Variants in KIF26B observed in about 807,000 individuals in gnomAD.
The protein encoded by KIF26B is kinesin family member 26B.
A neutral mutation model predicts 151.2 loss-of-function variants in KIF26B; 63 were observed. The observed-to-expected ratio is 0.42, with a 90% CI of 0.34 to 0.51. KIF26B has a LOEUF of 0.51. Ranked by LOEUF, KIF26B falls within the 20% of genes least tolerant of loss-of-function variation. The pLI, the probability that KIF26B is intolerant of heterozygous loss-of-function variation, is 0.07. For synonymous variants in KIF26B, 1,357 were observed against 1,262.1 expected (o/e 1.08, Z -1.59); for missense variants, 2,813 against 2,913.6 (o/e 0.97, Z 0.79).
intron 3 of KIF26B, among the ~76,000 whole-genome samples, chr1:245,391,776 T>G (rs1296348207): frequency 1.3e-5 from 2 of 152,202 alleles, no homozygotes; most frequent in East Asian, 3.9e-4. Context: ...CAACATGTGA[T>G]GGGTTTATTA....
chr1:245,491,940 G>A (rs1202522083), intron 4 of KIF26B, among the ~76,000 whole-genome samples: 1 of 151,986 alleles, frequency 6.6e-6, no homozygotes, highest in Non-Finnish European at 1.5e-5. Flanking sequence ...ACTGAATTCC[G>A]GGTCAGATCT....
intron 2 of KIF26B, among the ~76,000 whole-genome samples, chr1:245,284,590 G>A (rs909116728): frequency 6.6e-6 from 1 of 152,152 alleles, no homozygotes; most frequent in Non-Finnish European, 1.5e-5. Flanking sequence ...TGAGTGTGTT[G>A]ACCTTTGGGG....
chr1:245,231,806 A>C (rs760356337), intron 2 of KIF26B, among the ~76,000 whole-genome samples: 4 of 152,264 alleles, frequency 2.6e-5, no homozygotes, highest in Non-Finnish European at 5.9e-5. Flanking sequence ...GCTACGTGCA[A>C]AGCAAGACAA....
At chr1:245,300,287 TAGAC>T (rs1180637111) in intron 2 of KIF26B, among the ~76,000 whole-genome samples, 1 of 152,144 alleles carries the variant, frequency 6.6e-6, no homozygotes, top group Admixed American at 6.5e-5. Context: ...TTTATATAAA[TAGAC>T]AGCCAGGCAG....
intron 3 of KIF26B, among the ~76,000 whole-genome samples, chr1:245,394,492 ACAGGCCTGTAGTCT>A (rs1359397086): frequency 6.6e-6 from 1 of 152,030 alleles, no homozygotes; most frequent in East Asian, 1.9e-4. Flanking sequence ...GCGTGGTGGC[ACAGGCCTGTAGTCT>A]CAGTTACTTG....
intron 2 of KIF26B, among the ~76,000 whole-genome samples, chr1:245,292,994 A>G (rs1001030563): frequency 1.3e-5 from 2 of 152,176 alleles, no homozygotes; most frequent in African/African-American, 4.8e-5. Flanking sequence ...CATGTTCAAT[A>G]TTAGGTTACT....
In KIF26B at chr1:245,169,362, T is replaced by TGTGTGC. The variant is rs879260509; in HGVS notation, c.465+12680_465+12681insTGTGCG. ...GTGTGTGTGTGTGTGTGTGTGTGTG[T>TGTGTGC]GCGCGCAAGCACTTTGTGGAGGCCC... On this transcript the variant is annotated intron_variant, in intron 2 of 14. Coordinates refer to ENST00000407071, the MANE Select transcript of KIF26B (RefSeq NM_018012.4). Among the ~76,000 whole-genome samples the TGTGTGC allele has an allele frequency of 5.9e-3, 894 of 151,018 alleles. 7 individuals are homozygous for TGTGTGC. Among genetic ancestry groups the TGTGTGC allele is most frequent in the African/African-American group, 0.02 (830 of 40,616 alleles).
intron 4 of KIF26B, among the ~76,000 whole-genome samples, chr1:245,530,817 A>G (rs1661342389): frequency 6.6e-6 from 1 of 152,240 alleles, no homozygotes; most frequent in South Asian, 2.1e-4. Flanking sequence ...ACTCTAATAC[A>G]GAGCAGCTGC....
intron 5 of KIF26B, among the ~76,000 whole-genome samples, chr1:245,577,242 G>A (rs746007011): frequency 1.6e-4 from 24 of 152,068 alleles, no homozygotes; most frequent in Non-Finnish European, 3.2e-4. Context: ...TGCACTGTAG[G>A]GCATTTCCTG....
intron 4 of KIF26B, chr1:245,510,860 C>T (rs1660819915): frequency 3.7e-6 from 2 of 541,466 alleles, no homozygotes; most frequent in African/African-American, 1.9e-5. Context: ...GCTGGGAGCT[C>T]AGTGAGGCCA....
rs1328949445 is a variant in KIF26B, at chr1:245,241,079, C to T, written c.465+84396C>T. 2.0e-5 allele frequency among the ~76,000 whole-genome samples: 3 copies of T among 152,146 alleles called. No individual in the cohort carries two copies. The highest frequency in any genetic ancestry group is 4.1e-4 in the South Asian group (2 of 4,828). On this transcript the variant is annotated intron_variant, in intron 2 of 14. Transcript: ENST00000407071. The surrounding 1 kb of genome is among the most constrained non-coding windows in gnomAD (Gnocchi z 5.0). ...AGTATTGCCAAGCCTTATTAAGCAGCTGTTTATTGGGTCAGAATACACCTG... is the reference window on the plus strand; with the variant it reads ...AGTATTGCCAAGCCTTATTAAGCAGTTGTTTATTGGGTCAGAATACACCTG...
At chr1:245,272,303 G>A (rs1402294757) in intron 2 of KIF26B, among the ~76,000 whole-genome samples, 1 of 152,012 alleles carries the variant, frequency 6.6e-6, no homozygotes, top group Non-Finnish European at 1.5e-5. Context: ...GTGTGTGCCT[G>A]TAGTTCCAGC....
Position 245,708,518 on chromosome 1 carries a change from A to C in KIF26B, c.*5912A>C, listed in dbSNP as rs967144288. 1 of 152,226 alleles carries C rather than the reference A, an allele frequency of 6.6e-6. No individual in the cohort carries two copies. Among genetic ancestry groups the C allele is most frequent in the Non-Finnish European group, 1.5e-5 (1 of 68,042 alleles). The allele number at this position is 152,226 out of a possible 1,614,324, so 9.4% of individuals were successfully genotyped here. ...TACAGGAGGTACCTGACATGGTGAA[A>C]GGCCATAGGACAGAAAACCTGAGTT... On this transcript the variant is annotated 3_prime_UTR_variant, in exon 15 of 15. Coordinates refer to ENST00000407071, the MANE Select transcript of KIF26B (RefSeq NM_018012.4).
At chr1:245,392,625 CCCTT>C (rs1280776702) in intron 3 of KIF26B, among the ~76,000 whole-genome samples, 1 of 152,132 alleles carries the variant, frequency 6.6e-6, no homozygotes, top group African/African-American at 2.4e-5. Context: ...ATCTCCCTCT[CCCTT>C]CCCCTTTCCC....
chr1:245,346,763 G>A (rs1212592429), intron 2 of KIF26B, among the ~76,000 whole-genome samples: 1 of 152,104 alleles, frequency 6.6e-6, no homozygotes, highest in Non-Finnish European at 1.5e-5. Context: ...CTCATTTCAA[G>A]CATCCCATTC....
intron 4 of KIF26B, among the ~76,000 whole-genome samples, chr1:245,478,153 CAA>C (rs2103067485): frequency 6.6e-6 from 1 of 151,924 alleles, no homozygotes; most frequent in South Asian, 2.1e-4. Context: ...CATGTTGTAA[CAA>C]ACATTATTAG....
At chr1:245,663,096 T>C (rs1047862317) in intron 10 of KIF26B, among the ~76,000 whole-genome samples, 2 of 152,034 alleles carry the variant, frequency 1.3e-5, no homozygotes, top group African/African-American at 2.4e-5. Flanking sequence ...CCCCAAAGTC[T>C]GGACTTTTCC....
rs1336433924 is a variant in KIF26B, at chr1:245,564,256, C to T, written c.1350+23306C>T. ...GAGCTTCCCCCCATTTTCTGCGATA[C>T]ACACTGTCACTTTCCCTGGGAACAG... is the stretch of plus-strand genomic sequence containing the variant. On this transcript the variant is annotated intron_variant, in intron 5 of 14. Transcript: ENST00000407071. The surrounding 1 kb of genome is among the most constrained non-coding windows in gnomAD (Gnocchi z 4.6). Among the ~76,000 whole-genome samples the T allele has an allele frequency of 6.6e-6, 1 of 152,168 alleles. No homozygotes were observed. The highest frequency in any genetic ancestry group is 1.5e-5 in the Non-Finnish European group (1 of 68,046).
intron 5 of KIF26B, among the ~76,000 whole-genome samples, chr1:245,543,470 G>A (rs982410367): frequency 1.6e-5 from 2 of 121,456 alleles, no homozygotes; most frequent in Non-Finnish European, 3.8e-5. Context: ...GTTCACCCAT[G>A]AGACTGTGTC....
Sources: gnomAD v4.1 joint callset for allele counts (sites outside exome capture counted in the v4.1 genomes callset) on GRCh38, gnomAD v4.1.1 for gene constraint, Gnocchi (gnomAD v3.1) non-coding constraint, MANE v1.5 for transcripts, NCBI Gene and HGNC (gene_info 2026-07-23, HGNC 2026-07-21) for gene names.